Variants in PRUNE2 observed in about 807,000 individuals in gnomAD.
PRUNE2 encodes protein prune homolog 2.
PRUNE2 carries 164 observed loss-of-function variants against 252.0 expected under a neutral mutation model. The observed-to-expected ratio is 0.65, with a 90% CI of 0.57 to 0.74. The LOEUF is 0.74. PRUNE2 is among the 30% of genes least tolerant of loss of function. The probability of loss-of-function intolerance (pLI) is 0.00; values close to 1 mark genes in which losing one functional copy is unlikely to be tolerated. For synonymous variants in PRUNE2, 1,292 were observed against 1,350.2 expected (o/e 0.96, Z 0.94); for missense variants, 3,495 against 3,711.0 (o/e 0.94, Z 1.51).
intron 9 of PRUNE2, among the ~76,000 whole-genome samples, chr9:76,683,209 A>G (rs2043675412): frequency 6.6e-6 from 1 of 152,208 alleles, no homozygotes; most frequent in Non-Finnish European, 1.5e-5. Context: ...TGGTTCCACG[A>G]ATAAGCACGT....
chr9:76,871,029 C>T (rs1220161710), intron 1 of PRUNE2, among the ~76,000 whole-genome samples: 1 of 152,162 alleles, frequency 6.6e-6, no homozygotes. Flanking sequence ...TCTCAGAACC[C>T]TGTGTGGGAA....
At position 76,706,021 on chromosome 9, in the gene PRUNE2, C is replaced by T; in HGVS notation, c.6253G>A (p.Glu2085Lys). 1 of 1,614,024 alleles carries T rather than the reference C, an allele frequency of 6.2e-7. No individual in the cohort carries two copies. The highest frequency in any genetic ancestry group is 8.5e-7 in the Non-Finnish European group (1 of 1,179,894). ...KKPFSLKADG[E>K]NPDILTHCEH... ...CAGTGCGTCAGGATATCAGGATTCTCACCATCTGCTTTCAAACTGAAGGGC... is the reference window on the plus strand; with the variant it reads ...CAGTGCGTCAGGATATCAGGATTCTTACCATCTGCTTTCAAACTGAAGGGC... The change falls in exon 8 of 19, where the codon GAG becomes AAG. Residue 2085 changes from glutamate (E) to lysine (K), a missense_variant. Physicochemically the swap from Glu to Lys is moderately conservative, Grantham distance 56 (BLOSUM62 1). Transcript: ENST00000376718.
chr9:76,641,934 C>T (rs1307411378), intron 12 of PRUNE2: 1 of 1,525,736 alleles, frequency 6.6e-7, no homozygotes, highest in African/African-American at 1.4e-5. Context: ...TCATTCTTTC[C>T]AGGGTCATTT....
intron 6 of PRUNE2, among the ~76,000 whole-genome samples, chr9:76,734,724 C>T (rs1242697153): frequency 1.3e-5 from 2 of 152,126 alleles, no homozygotes; most frequent in Admixed American, 1.3e-4. Context: ...CTGTCTTTAC[C>T]CCTAACCTGA....
rs778964254 is a variant in PRUNE2 at position 76,655,486 on chromosome 9, C to G, written c.8293G>C (p.Val2765Leu). 6.2e-7 allele frequency: 1 copy of G among 1,612,448 alleles called. No homozygotes were observed. The highest frequency in any genetic ancestry group is 8.5e-7 in the Non-Finnish European group (1 of 1,179,302). ...SRPNGLLSED[V>L]GMDIPFEEGV... is the part of the protein sequence containing the mutation. ...TCTTCAAAGGGGATGTCCATTCCTA[C>G]ATCCTCTGACAGTAGTCTGCAAAAA... Residue 2765 changes from valine to leucine, a missense_variant, in exon 10 of 19, where the codon GTA becomes CTA. Coordinates refer to ENST00000376718, the MANE Select transcript of PRUNE2 (RefSeq NM_015225.3).
At chr9:76,730,623 C>G (rs1192757703) in intron 6 of PRUNE2, among the ~76,000 whole-genome samples, 1 of 152,160 alleles carries the variant, frequency 6.6e-6, no homozygotes, top group Non-Finnish European at 1.5e-5. Flanking sequence ...GAAAGAGGGC[C>G]GGGTACGGTG....
At chr9:76,768,182 T>C (rs2052634709) in intron 6 of PRUNE2, among the ~76,000 whole-genome samples, 1 of 150,380 alleles carries the variant, frequency 6.6e-6, no homozygotes, top group African/African-American at 2.5e-5. Flanking sequence ...AACTAGTACT[T>C]CCATGTCAAT....
intron 9 of PRUNE2, chr9:76,700,199 A>T (rs998953836): frequency 6.6e-6 from 1 of 152,206 alleles, no homozygotes; most frequent in Admixed American, 6.5e-5. Context: ...AGCTCTCAAA[A>T]CAGTTTGGCA....
At chr9:76,782,051 A>G (rs1447553046) in intron 6 of PRUNE2, among the ~76,000 whole-genome samples, 1 of 152,122 alleles carries the variant, frequency 6.6e-6, no homozygotes, top group Admixed American at 6.5e-5. Flanking sequence ...CATCTCTACT[A>G]AAAATACAAA....
chr9:76,753,921 A>C (rs1389451487), intron 6 of PRUNE2, among the ~76,000 whole-genome samples: 1 of 148,038 alleles, frequency 6.8e-6, no homozygotes, highest in Non-Finnish European at 1.5e-5. Context: ...CTGTCTCAGA[A>C]AAAAAAAAAA....
intron 6 of PRUNE2, among the ~76,000 whole-genome samples, chr9:76,744,657 C>T (rs116452209): frequency 0.012 from 1,814 of 152,286 alleles, 38 homozygotes; most frequent in African/African-American, 0.039. Context: ...GTTCCCCACA[C>T]AATGGGTAAT....
chr9:76,615,564 A>G (rs1247999118), intron 18 of PRUNE2, among the ~76,000 whole-genome samples: 1 of 152,160 alleles, frequency 6.6e-6, no homozygotes, highest in Non-Finnish European at 1.5e-5. Context: ...ACTTATTAGC[A>G]GTGGGGACTT....
At position 76,613,007 on chromosome 9, in the gene PRUNE2, G is replaced by A. The variant is rs1564295799; in HGVS notation, c.*1563C>T. The A allele has an allele frequency of 6.6e-6, 1 of 152,150 alleles. No homozygotes were observed. Among genetic ancestry groups the A allele is most frequent in the Admixed American group, 6.5e-5 (1 of 15,280 alleles). The allele number at this position is 152,150 out of a possible 1,614,324, so 9.4% of individuals were successfully genotyped here. A position where few individuals can be genotyped will look rare whatever the true frequency, so the allele number is the denominator to read the frequency against. On this transcript the variant is annotated 3_prime_UTR_variant, in exon 19 of 19. Transcript: ENST00000376718. ...AGACTAAGAATGGTTCCCAGAGTGA[G>A]GCACGGACTTCAGCCAACACCTGTA...
chr9:76,680,112 G>C (rs1227419404), intron 9 of PRUNE2, among the ~76,000 whole-genome samples: 1 of 152,100 alleles, frequency 6.6e-6, no homozygotes, highest in Non-Finnish European at 1.5e-5. Flanking sequence ...TATCTGATAA[G>C]GGGTTAATAT....
intron 6 of PRUNE2, among the ~76,000 whole-genome samples, chr9:76,767,898 AC>A (rs1022405172): frequency 6.6e-6 from 1 of 152,104 alleles, no homozygotes; most frequent in Non-Finnish European, 1.5e-5. Flanking sequence ...TGGCTTCCTA[AC>A]CCTCTTGGTT....
intron 6 of PRUNE2, among the ~76,000 whole-genome samples, chr9:76,725,302 CT>C (rs2048015353): frequency 6.6e-6 from 1 of 152,190 alleles, no homozygotes; most frequent in South Asian, 2.1e-4. Context: ...ATCAAACTGT[CT>C]CTTTTGTTCC....
At chr9:76,729,721 T>C (rs542062733) in intron 6 of PRUNE2, among the ~76,000 whole-genome samples, 1 of 152,304 alleles carries the variant, frequency 6.6e-6, no homozygotes, top group South Asian at 2.1e-4. Flanking sequence ...CATCCATTTA[T>C]AATCTTTTCA....
chr9:76,834,487 T>G (rs1395536769), intron 4 of PRUNE2, among the ~76,000 whole-genome samples: 3 of 152,188 alleles, frequency 2.0e-5, no homozygotes, highest in Non-Finnish European at 4.4e-5. Flanking sequence ...ATCAAAATAT[T>G]AAATACTTAA....
At chr9:76,702,388 A>G (rs1341521593) in intron 9 of PRUNE2, among the ~76,000 whole-genome samples, 2 of 152,184 alleles carry the variant, frequency 1.3e-5, no homozygotes, top group Non-Finnish European at 2.9e-5. Context: ...TTTTAAGGAG[A>G]AAACATGACT....
Sources: gnomAD v4.1 joint callset for allele counts (sites outside exome capture counted in the v4.1 genomes callset) on GRCh38, gnomAD v4.1.1 for gene constraint, MANE v1.5 for transcripts, NCBI Gene and HGNC (gene_info 2026-07-23, HGNC 2026-07-21) for gene names.